The following POLR3A variants were observed in gnomAD, a reference collection of about 807,000 sequenced individuals.
POLR3A encodes DNA-directed RNA polymerase III subunit RPC1.
A neutral mutation model predicts 152.8 loss-of-function variants in POLR3A; 112 were observed. The observed-to-expected ratio is 0.73, with a 90% CI of 0.63 to 0.86. The LOEUF (loss-of-function observed/expected upper bound fraction) is 0.86, where lower values mean the gene tolerates loss of function less well. POLR3A is among the 40% of genes least tolerant of loss of function. POLR3A has a pLI of 0.00. For synonymous variants in POLR3A, 615 were observed against 652.1 expected (o/e 0.94, Z 0.87); for missense variants, 1,385 against 1,743.1 (o/e 0.79, Z 3.66).
chr10:78,012,591 C>G (rs1847477066), intron 11 of POLR3A, among the ~76,000 whole-genome samples: 1 of 152,020 alleles, frequency 6.6e-6, no homozygotes, highest in South Asian at 2.1e-4. Context: ...AAAAGAAAGC[C>G]TGAAGCTCTA....
At chr10:78,027,145 G>A (rs1343048059) in intron 1 of POLR3A, among the ~76,000 whole-genome samples, 1 of 152,182 alleles carries the variant, frequency 6.6e-6, no homozygotes, top group African/African-American at 2.4e-5. Context: ...TGGTCAGAAA[G>A]CCTCACTGTA....
rs750215689 is a variant in POLR3A, at chr10:78,000,063, G to A, written c.2534C>T (p.Thr845Ile). 6.2e-7 allele frequency: 1 copy of A among 1,613,884 alleles called. No homozygotes were observed. The highest frequency in any genetic ancestry group is 1.3e-5 in the African/African-American group (1 of 74,890). Residue 845 changes from threonine to isoleucine, a missense_variant, in exon 19 of 31, where the codon ACT becomes ATT. Thr to Ile is a moderately conservative substitution (Grantham distance 89). Around this residue, in one of 7 missense-constraint regions of POLR3A, gnomAD observed 170 missense variants for 231.2 expected, o/e 0.74. Coordinates refer to ENST00000372371, the MANE Select transcript of POLR3A (RefSeq NM_007055.4). ...GGCCATTGTGTGGAAGAAAAACTCA[G>A]TTGGTGTCAAACCGGAATAAAAGCT... is the stretch of plus-strand genomic sequence containing the variant. ...ANSFYSGLTPTEFFFHTMAGR... is the reference protein window; with the variant it reads ...ANSFYSGLTPIEFFFHTMAGR...
intron 16 of POLR3A, among the ~76,000 whole-genome samples, chr10:78,004,467 G>A (rs1229959547): frequency 6.6e-6 from 1 of 152,152 alleles, no homozygotes; most frequent in Non-Finnish European, 1.5e-5. Context: ...AGTTAGGAGG[G>A]ACATGAGGAT....
In POLR3A at chr10:77,977,286, G is replaced by A. The variant is rs975338180; in HGVS notation, c.*192C>T. Reference sequence around the variant, plus strand: ...CAGCTCTCCCGAGCAGCGTGGCACAGTCAGGGTCACTGGTGTGAGCTGCAC... The same window carrying A: ...CAGCTCTCCCGAGCAGCGTGGCACAATCAGGGTCACTGGTGTGAGCTGCAC... On this transcript the variant is annotated 3_prime_UTR_variant, in exon 31 of 31. Coordinates refer to ENST00000372371, the MANE Select transcript of POLR3A (RefSeq NM_007055.4). 3 of 661,876 alleles carry A rather than the reference G, an allele frequency of 4.5e-6. No individual in the cohort carries two copies. The highest frequency in any genetic ancestry group is 8.1e-6 in the Non-Finnish European group (3 of 369,500). 41.0% of individuals were successfully genotyped at this position (661,876 alleles called of 1,614,324 possible).
chr10:78,007,707 T>C lies in POLR3A; in HGVS notation c.2069A>G (p.Tyr690Cys), dbSNP rs139329658. Residue 690 changes from tyrosine (Y) to cysteine (C), a missense_variant, in exon 15 of 31, where the codon TAC becomes TGC. By Grantham distance (194) the Tyr-to-Cys change is radical (BLOSUM62 -2). Coordinates refer to ENST00000372371, the MANE Select transcript of POLR3A (RefSeq NM_007055.4). ...AAGGATGCTGAGATACTTACACAGG[T>C]AGACAGGAGCCAGCCTGGCGAGCCG... ...MSRLARLAPVYLSNRGFSIGI... is the reference protein window; with the variant it reads ...MSRLARLAPVCLSNRGFSIGI... 3.1e-6 allele frequency: 5 copies of C among 1,613,376 alleles called. No individual in the cohort carries two copies. Among genetic ancestry groups the C allele is most frequent in the Non-Finnish European group, 4.2e-6 (5 of 1,179,492 alleles).
At chr10:77,997,586 T>G (rs12252523) in intron 19 of POLR3A, among the ~76,000 whole-genome samples, 5,499 of 152,082 alleles carry the variant, frequency 0.036, 380 homozygotes, top group African/African-American at 0.13. Flanking sequence ...TACCTAGGAA[T>G]CCAACTTACA....
rs75925191 is a variant in POLR3A at position 77,986,878 on chromosome 10, G to C, written c.2902-719C>G. Among the ~76,000 whole-genome samples the C allele has an allele frequency of 5.7e-4, 87 of 152,338 alleles. No individual in the cohort carries two copies. The East Asian group carries it at 0.016, about 27-fold the overall frequency. ...AGCCCCGGGAGGATGACCAAGTAGA[G>C]CAAGAAGAAGGTGAAAAATACACAG... On this transcript the variant is annotated intron_variant, in intron 21 of 30. Coordinates refer to ENST00000372371, the MANE Select transcript of POLR3A (RefSeq NM_007055.4).
In POLR3A at chr10:77,976,752, G is replaced by A. The variant is rs1847093185; in HGVS notation, c.*726C>T. 1 of 152,342 alleles carries A rather than the reference G, an allele frequency of 6.6e-6. No individual in the cohort carries two copies. The highest frequency in any genetic ancestry group is 2.4e-5 in the African/African-American group (1 of 41,446). The allele number at this position is 152,342 out of a possible 1,614,324, so 9.4% of individuals were successfully genotyped here. ...GTCACAGGGTAGAGCCCCATGATAGGGGTCTGAGGTAGATGAAAACAACAG... is the reference window on the plus strand; with the variant it reads ...GTCACAGGGTAGAGCCCCATGATAGAGGTCTGAGGTAGATGAAAACAACAG... On this transcript the variant is annotated 3_prime_UTR_variant, in exon 31 of 31. Transcript: ENST00000372371.
At chr10:78,003,052 A>G (rs563746666) in intron 16 of POLR3A, among the ~76,000 whole-genome samples, 60 of 152,342 alleles carry the variant, frequency 3.9e-4, no homozygotes, top group Non-Finnish European at 3.5e-4. Context: ...ACACATCTGA[A>G]TGTCTGCAAG....
At chr10:78,019,103 C>T (rs567482581) in intron 9 of POLR3A, 59 bp downstream of exon 9, 2 of 1,161,706 alleles carry the variant, frequency 1.7e-6, no homozygotes, top group Admixed American at 1.7e-5. Context: ...CTGAGTATGA[C>T]CACAGTGAGC....
Position 78,021,690 on chromosome 10 carries a change from G to A in POLR3A, c.1049-8C>T. ...GATTTCCTCTAAATCGACCTAAATA[G>A]CCAAAAACATGTCATAGGTCCCCAT... On this transcript the variant is annotated splice_region_variant and splice_polypyrimidine_tract_variant and intron_variant, in intron 7 of 30. Transcript: ENST00000372371. 1 of 1,614,016 alleles carries A rather than the reference G, an allele frequency of 6.2e-7. No individual in the cohort carries two copies. Among genetic ancestry groups the A allele is most frequent in the East Asian group, 2.2e-5 (1 of 44,886 alleles).
Position 78,011,085 on chromosome 10 carries a change from T to A in POLR3A, c.1573-545A>T, listed in dbSNP as rs1158664376. On this transcript the variant is annotated intron_variant, in intron 11 of 30. Coordinates refer to ENST00000372371, the MANE Select transcript of POLR3A (RefSeq NM_007055.4). Reference sequence around the variant, plus strand: ...CTGGTCTCGAACTCCTGGGCTCAACTGATCCTCCCACCTTGGCCTCCCAAA... The same window carrying A: ...CTGGTCTCGAACTCCTGGGCTCAACAGATCCTCCCACCTTGGCCTCCCAAA... Among the ~76,000 whole-genome samples, 3 of 152,268 alleles carry A rather than the reference T, an allele frequency of 2.0e-5. No homozygotes were observed. In the East Asian group the frequency reaches 5.8e-4, roughly 29 times the overall value.
chr10:78,026,291 A>G (rs1226308733), intron 1 of POLR3A, 62 bp from the exon 2 acceptor site: 2 of 1,579,384 alleles, frequency 1.3e-6, no homozygotes, highest in African/African-American at 1.3e-5. Context: ...TGTCTATTAC[A>G]TACATAGCCC....
chr10:77,981,969 G>A (rs1431816034), intron 28 of POLR3A, among the ~76,000 whole-genome samples, 185 bp downstream of exon 28: 8 of 144,024 alleles, frequency 5.6e-5, no homozygotes, highest in Admixed American at 5.0e-4. Flanking sequence ...AACCCGGGAG[G>A]CAGAGCTTGC....
intron 26 of POLR3A, among the ~76,000 whole-genome samples, chr10:77,983,358 G>T (rs1847167361): frequency 6.6e-6 from 1 of 152,242 alleles, no homozygotes; most frequent in African/African-American, 2.4e-5. Context: ...CTGACAGAAT[G>T]TGTTTTAAGG....
chr10:77,994,165 G>C (rs1315287414), intron 19 of POLR3A, among the ~76,000 whole-genome samples: 2 of 152,098 alleles, frequency 1.3e-5, no homozygotes, highest in Non-Finnish European at 2.9e-5. Context: ...ACACTGAAGG[G>C]CAATTTCCCA....
At chr10:77,997,884 C>T (rs1261780897) in intron 19 of POLR3A, among the ~76,000 whole-genome samples, 3 of 146,928 alleles carry the variant, frequency 2.0e-5, no homozygotes, top group Non-Finnish European at 2.9e-5. Context: ...GGAGGCATCA[C>T]GCTACCTGAC....
At chr10:77,978,816 G>A (rs535372179) in intron 30 of POLR3A, among the ~76,000 whole-genome samples, 4 of 148,360 alleles carry the variant, frequency 2.7e-5, no homozygotes, top group East Asian at 4.0e-4. Context: ...GCCTGCCACC[G>A]TGCCCAGCTA....
intron 8 of POLR3A, chr10:78,019,615 C>T: frequency 3.0e-6 from 1 of 338,708 alleles, no homozygotes; most frequent in East Asian, 6.9e-5. Context: ...TTACTGGGGG[C>T]TTGTAAGGTT....
Sources: gnomAD v4.1 joint callset for allele counts (sites outside exome capture counted in the v4.1 genomes callset) on GRCh38, gnomAD v4.1.1 for gene constraint, gnomAD v4.1.1 regional missense constraint, MANE v1.5 for transcripts, NCBI Gene and HGNC (gene_info 2026-07-23, HGNC 2026-07-21) for gene names.